The following ABCD3 variants were observed in gnomAD, a reference collection of about 807,000 sequenced individuals.
ABCD3 encodes ATP-binding cassette sub-family D member 3.
In ABCD3, 41 loss-of-function variants were observed where a neutral mutation model predicts 105.5. The ratio of observed to expected loss-of-function variants is 0.39; its 90% confidence interval spans 0.30 to 0.50. The LOEUF is 0.50. Ranked by LOEUF, ABCD3 falls within the 20% of genes least tolerant of loss-of-function variation. ABCD3 has a pLI of 0.84. For synonymous variants in ABCD3, 258 were observed against 269.0 expected, an observed-to-expected ratio of 0.96 and a Z score of 0.40; for missense variants, 622 against 806.3, an observed-to-expected ratio of 0.77 and a Z score of 2.77.
chr1:94,458,872 C>T (rs367657984), intron 2 of ABCD3, among the ~76,000 whole-genome samples: 37 of 141,598 alleles, frequency 2.6e-4, no homozygotes, highest in African/African-American at 9.6e-4. Context: ...ATATTAGTTT[C>T]CCCCCCTCTT....
In ABCD3 at chr1:94,480,128, A is replaced by G. The variant is rs186595701; in HGVS notation, c.685-336A>G. 2.3e-5 allele frequency: 7 copies of G among 298,228 alleles called. No homozygotes were observed. The East Asian group carries it at 5.3e-4, about 23-fold the overall frequency. 18.5% of individuals were successfully genotyped at this position (298,228 alleles called of 1,614,324 possible). On this transcript the variant is annotated intron_variant, in intron 8 of 22. Transcript: ENST00000370214. Reference sequence around the variant, plus strand: ...GGCAAGAAAAAGAGGTCTAAGAATTATTGTGGAATCTTAAGAGATTATCAA... The same window carrying G: ...GGCAAGAAAAAGAGGTCTAAGAATTGTTGTGGAATCTTAAGAGATTATCAA...
chr1:94,478,670 C>A, intron 8 of ABCD3: 1 of 908,860 alleles, frequency 1.1e-6, no homozygotes. Flanking sequence ...GGACAAAAAG[C>A]GAGACCCGCT....
In ABCD3 at chr1:94,418,426, C is replaced by G. The variant is rs555210827; in HGVS notation, c.-53C>G. ...CGCGCTGCGTGCAGTAAGGTAGCCGCCGCCGCCGCCGCCGCCGCGTCCCCT... is the reference window on the plus strand; with the variant it reads ...CGCGCTGCGTGCAGTAAGGTAGCCGGCGCCGCCGCCGCCGCCGCGTCCCCT... On this transcript the variant is annotated 5_prime_UTR_variant, in exon 1 of 23. Coordinates refer to ENST00000370214, the MANE Select transcript of ABCD3 (RefSeq NM_002858.4). The G allele has an allele frequency of 2.7e-6, 4 of 1,485,364 alleles. No individual in the cohort carries two copies. The highest frequency in any genetic ancestry group is 3.6e-6 in the Non-Finnish European group (4 of 1,097,346). 92.0% of individuals were successfully genotyped at this position (1,485,364 alleles called of 1,614,324 possible).
chr1:94,411,658 A>G, the ABCD3 span, among the ~76,000 whole-genome samples: 4 of 152,108 alleles, frequency 2.6e-5, no homozygotes, highest in Non-Finnish European at 5.9e-5. Context: ...TAGCAATTCT[A>G]CTCCTAGTTA....
At chr1:94,510,522 T>A (rs980260748) in intron 21 of ABCD3, among the ~76,000 whole-genome samples, 135 of 152,210 alleles carry the variant, frequency 8.9e-4, no homozygotes, top group Non-Finnish European at 1.4e-3. Flanking sequence ...GGTGCAGAGC[T>A]GAGTTCAATT....
the ABCD3 span, chr1:94,406,342 T>TTG: frequency 3.3e-4 from 58 of 173,290 alleles, no homozygotes; most frequent in Middle Eastern, 2.3e-3. Flanking sequence ...TTTGTTTTGT[T>TTG]TTTTTTTTTT....
the ABCD3 span, among the ~76,000 whole-genome samples, chr1:94,402,795 T>C: frequency 6.6e-6 from 1 of 152,164 alleles, no homozygotes; most frequent in Non-Finnish European, 1.5e-5. Flanking sequence ...TAATACTTCC[T>C]CTCTTTTTTT....
Position 94,418,527 on chromosome 1 carries a change from G to A in ABCD3, c.49G>A (p.Gly17Ser), listed in dbSNP as rs2100859154. ...YLTARNSSLA[G>S]AAFLLLCLLH... ...GACGGCGCGAAACTCCTCGCTGGCT[G>A]GTGCCGCGTTCCTGCTGCTCTGCCT... Residue 17 changes from glycine (G) to serine (S), a missense_variant, in exon 1 of 23, where the codon GGT (glycine) becomes AGT (serine). Gly to Ser is a moderately conservative substitution (Grantham distance 56). Coordinates refer to ENST00000370214, the MANE Select transcript of ABCD3 (RefSeq NM_002858.4). The A allele has an allele frequency of 6.2e-7, 1 of 1,605,812 alleles. No individual in the cohort carries two copies. The highest frequency in any genetic ancestry group is 8.5e-7 in the Non-Finnish European group (1 of 1,179,284).
the ABCD3 span, among the ~76,000 whole-genome samples, chr1:94,399,440 A>G: frequency 6.6e-6 from 1 of 152,186 alleles, no homozygotes; most frequent in South Asian, 2.1e-4. Flanking sequence ...CCAGTCTTCA[A>G]CCTCTAAATC....
intron 1 of ABCD3, among the ~76,000 whole-genome samples, chr1:94,425,142 A>C (rs1659415441): frequency 1.3e-5 from 2 of 152,354 alleles, no homozygotes; most frequent in Admixed American, 6.5e-5. Context: ...AAACTTAAAA[A>C]AATGCTATCA....
chr1:94,443,673 G>C (rs934787434), intron 1 of ABCD3, among the ~76,000 whole-genome samples: 2 of 152,138 alleles, frequency 1.3e-5, no homozygotes, highest in African/African-American at 4.8e-5. Context: ...GTGGTGAGAG[G>C]TAGGGGTCCA....
the ABCD3 span, among the ~76,000 whole-genome samples, chr1:94,408,281 G>T: frequency 6.6e-6 from 1 of 152,040 alleles, no homozygotes; most frequent in Non-Finnish European, 1.5e-5. Context: ...AGCAGATTAG[G>T]TTACTAGAAT....
intron 1 of ABCD3, among the ~76,000 whole-genome samples, chr1:94,452,863 A>G (rs1647324398): frequency 2.0e-5 from 3 of 151,980 alleles, no homozygotes; most frequent in Non-Finnish European, 2.9e-5. Context: ...CAGCCTCCCA[A>G]GTTAGCTGGG....
intron 20 of ABCD3, among the ~76,000 whole-genome samples, chr1:94,502,884 T>C (rs1650167364): frequency 1.3e-5 from 2 of 152,174 alleles, no homozygotes; most frequent in African/African-American, 4.8e-5. Flanking sequence ...TGGTGGGGGC[T>C]TTGTCAGGCT....
In ABCD3 at chr1:94,515,429, C is replaced by T. The variant is rs189686483; in HGVS notation, c.1902+227C>T. 1.6e-3 allele frequency among the ~76,000 whole-genome samples: 237 copies of T among 152,064 alleles called. 1 individual carries two copies. The highest frequency in any genetic ancestry group is 6.8e-3 in the Middle Eastern group (2 of 294). ...CTCCAGTTTTATAAGTGACTCTTAT[C>T]TGTTAATAGTAACTGACTAAACTTT... On this transcript the variant is annotated intron_variant, in intron 22 of 22. Transcript: ENST00000370214.
At chr1:94,473,613 G>A (rs1648593616) in intron 4 of ABCD3, among the ~76,000 whole-genome samples, 153 bp from the exon 5 acceptor site, 1 of 151,922 alleles carries the variant, frequency 6.6e-6, no homozygotes. Context: ...TTGCAAACAT[G>A]TTTTTGCAAA....
intron 1 of ABCD3, among the ~76,000 whole-genome samples, chr1:94,429,707 C>T (rs890684439): frequency 6.6e-6 from 1 of 152,252 alleles, no homozygotes; most frequent in African/African-American, 2.4e-5. Context: ...GCCTAGATTT[C>T]AGAGGATGTA....
chr1:94,511,606 C>G (rs1416991604), intron 21 of ABCD3, among the ~76,000 whole-genome samples: 1 of 152,126 alleles, frequency 6.6e-6, no homozygotes, highest in African/African-American at 2.4e-5. Flanking sequence ...TGGTTCCATT[C>G]TCCCCGTCAC....
intron 16 of ABCD3, among the ~76,000 whole-genome samples, chr1:94,497,815 G>A (rs190047343): frequency 1.1e-4 from 16 of 152,234 alleles, no homozygotes; most frequent in Middle Eastern, 3.4e-3. Flanking sequence ...GTTTAAATAA[G>A]TTATAGTATA....
Sources: gnomAD v4.1 joint callset for allele counts (sites outside exome capture counted in the v4.1 genomes callset) on GRCh38, gnomAD v4.1.1 for gene constraint, MANE v1.5 for transcripts, NCBI Gene and HGNC (gene_info 2026-07-23, HGNC 2026-07-21) for gene names.